Variants in PARD6G observed in about 807,000 individuals in gnomAD.
The protein encoded by PARD6G is par-6 family cell polarity regulator gamma.
A neutral mutation model predicts 10.7 loss-of-function variants in PARD6G; 7 were observed. The ratio of observed to expected loss-of-function variants is 0.66; its 90% confidence interval spans 0.37 to 1.23. PARD6G has a LOEUF of 1.23. Among genes scored for constraint, PARD6G ranks in the 50% most tolerant of loss-of-function variants. The pLI is 0.02. For synonymous variants in PARD6G, 287 were observed against 269.4 expected (o/e 1.07, Z -0.64); for missense variants, 548 against 571.8 (o/e 0.96, Z 0.42).
chr18:80,181,875 G>C lies in PARD6G; in HGVS notation c.295+20835C>G, dbSNP rs2052850286. On this transcript the variant is annotated intron_variant, in intron 2 of 2. Coordinates refer to ENST00000353265, the MANE Select transcript of PARD6G (RefSeq NM_032510.4). This position sits in a 1 kb window ranked among gnomAD's most constrained non-coding sequence, Gnocchi z 7.9. Reference sequence around the variant, plus strand: ...AAGGCTGCCCGGTAGACCTGTCCCTGGGAGGGAAGCAGCCCAGCCCCGCTG... The same window carrying C: ...AAGGCTGCCCGGTAGACCTGTCCCTCGGAGGGAAGCAGCCCAGCCCCGCTG... 6.6e-6 allele frequency among the ~76,000 whole-genome samples: 1 copy of C among 152,138 alleles called. No individual in the cohort carries two copies. The highest frequency in any genetic ancestry group is 2.4e-5 in the African/African-American group (1 of 41,424).
chr18:80,177,842 G>A (rs1388976521), intron 2 of PARD6G, among the ~76,000 whole-genome samples: 2 of 150,456 alleles, frequency 1.3e-5, no homozygotes, highest in Non-Finnish European at 3.0e-5. Context: ...AAAAATCGCA[G>A]TCCAAACGGG....
chr18:80,231,778 C>T lies in PARD6G; in HGVS notation c.72+15499G>A, dbSNP rs139275260. ...GCTCACCAAGCTGTTTGTTCTCCCC[C>T]AGGCCTAGAGACGGGTTCGGCATCT... On this transcript the variant is annotated intron_variant, in intron 1 of 2. Coordinates refer to ENST00000353265, the MANE Select transcript of PARD6G (RefSeq NM_032510.4). This position sits in a 1 kb window ranked among gnomAD's most constrained non-coding sequence, Gnocchi z 4.2. 2.6e-4 allele frequency among the ~76,000 whole-genome samples: 40 copies of T among 152,252 alleles called. No homozygotes were observed. Among genetic ancestry groups the T allele is most frequent in the African/African-American group, 8.7e-4 (36 of 41,550 alleles).
Position 80,224,303 on chromosome 18 carries a change from T to C in PARD6G, c.73-21371A>G, listed in dbSNP as rs143304370. On this transcript the variant is annotated intron_variant, in intron 1 of 2. Coordinates refer to ENST00000353265, the MANE Select transcript of PARD6G (RefSeq NM_032510.4). ...CTAAGAGGTCTATCTAAATTTACCA[T>C]ACGTTTAAACAAATCAGAGCATGAA... Among the ~76,000 whole-genome samples the C allele has an allele frequency of 2.6e-5, 4 of 152,348 alleles. No homozygotes were observed. The East Asian group carries it at 5.8e-4, about 22-fold the overall frequency.
intron 1 of PARD6G, among the ~76,000 whole-genome samples, chr18:80,217,391 C>T (rs960584088): frequency 3.9e-5 from 6 of 152,106 alleles, no homozygotes; most frequent in African/African-American, 9.7e-5. Flanking sequence ...GTAAGGCACA[C>T]GGAATGTGTT....
rs1372809689 is a variant in PARD6G, at chr18:80,246,026, TG to T, written c.72+1250del. On this transcript the variant is annotated intron_variant, in intron 1 of 2. Coordinates refer to ENST00000353265, the MANE Select transcript of PARD6G (RefSeq NM_032510.4). The surrounding 1 kb of genome is among the most constrained non-coding windows in gnomAD (Gnocchi z 6.7). Reference sequence around the variant, plus strand: ...CCGCCTCAATCCTCTGCAGACACCCTGGAAATCCTACTCCAAAGGTCAGAGC... The same window carrying T: ...CCGCCTCAATCCTCTGCAGACACCCTGAAATCCTACTCCAAAGGTCAGAGC... Among the ~76,000 whole-genome samples the T allele has an allele frequency of 6.6e-6, 1 of 151,908 alleles. No individual in the cohort carries two copies. The highest frequency in any genetic ancestry group is 1.5e-5 in the Non-Finnish European group (1 of 67,966).
rs1312928630 is a variant in PARD6G, at chr18:80,231,133, G to A, written c.72+16144C>T. Among the ~76,000 whole-genome samples, 1 of 152,210 alleles carries A rather than the reference G, an allele frequency of 6.6e-6. No individual in the cohort carries two copies. Among genetic ancestry groups the A allele is most frequent in the Non-Finnish European group, 1.5e-5 (1 of 68,032 alleles). ...CCTCATGGAGGGAATGGACAAGGATGGCCCATCAGCAAGGGAGTGGGATGA... is the reference window on the plus strand; with the variant it reads ...CCTCATGGAGGGAATGGACAAGGATAGCCCATCAGCAAGGGAGTGGGATGA... On this transcript the variant is annotated intron_variant, in intron 1 of 2. Transcript: ENST00000353265. The surrounding 1 kb of genome is among the most constrained non-coding windows in gnomAD (Gnocchi z 4.2).
intron 2 of PARD6G, among the ~76,000 whole-genome samples, chr18:80,190,719 G>A (rs1297407901): frequency 6.6e-6 from 1 of 152,178 alleles, no homozygotes; most frequent in Non-Finnish European, 1.5e-5. Flanking sequence ...GAGGAGTGGA[G>A]GGCAGGCGGG....
chr18:80,217,469 C>A (rs777944761), intron 1 of PARD6G, among the ~76,000 whole-genome samples: 4 of 152,116 alleles, frequency 2.6e-5, no homozygotes, highest in Admixed American at 6.5e-5. Context: ...ACCGGGCAAA[C>A]ACTCTCAGCC....
At position 80,200,187 on chromosome 18, in the gene PARD6G, G is replaced by T. The variant is rs1040352596; in HGVS notation, c.295+2523C>A. ...GCTGCAGTAAAAAGGCTGTGGGATTGAGTGTTGCCTCTCAGGGGCCTCAGC... is the reference window on the plus strand; with the variant it reads ...GCTGCAGTAAAAAGGCTGTGGGATTTAGTGTTGCCTCTCAGGGGCCTCAGC... On this transcript the variant is annotated intron_variant, in intron 2 of 2. Coordinates refer to ENST00000353265, the MANE Select transcript of PARD6G (RefSeq NM_032510.4). The surrounding 1 kb of genome is among the most constrained non-coding windows in gnomAD (Gnocchi z 4.4). 6.6e-6 allele frequency among the ~76,000 whole-genome samples: 1 copy of T among 152,152 alleles called. No homozygotes were observed. The highest frequency in any genetic ancestry group is 2.4e-5 in the African/African-American group (1 of 41,444).
rs1967002172 is a variant in PARD6G at position 80,200,984 on chromosome 18, C to A, written c.295+1726G>T. Among the ~76,000 whole-genome samples, 1 of 152,252 alleles carries A rather than the reference C, an allele frequency of 6.6e-6. No individual in the cohort carries two copies. The highest frequency in any genetic ancestry group is 1.5e-5 in the Non-Finnish European group (1 of 68,048). ...CGATGGGCAACAAAGCCTGTGCGCA[C>A]ATCTGCAGTTTACACACCTTCTTCA... On this transcript the variant is annotated intron_variant, in intron 2 of 2. Transcript: ENST00000353265. The surrounding 1 kb of genome is among the most constrained non-coding windows in gnomAD (Gnocchi z 4.4).
chr18:80,241,226 A>C (rs1967486159), intron 1 of PARD6G, among the ~76,000 whole-genome samples: 1 of 152,046 alleles, frequency 6.6e-6, no homozygotes, highest in Admixed American at 6.5e-5. Context: ...GGCTTATTGG[A>C]TCCTGAGAGG....
intron 1 of PARD6G, among the ~76,000 whole-genome samples, chr18:80,220,247 CA>C (rs1480765208): frequency 6.6e-6 from 1 of 152,168 alleles, no homozygotes; most frequent in Admixed American, 6.5e-5. Context: ...CTCACTATCA[CA>C]AAAACAGCAT....
chr18:80,215,845 C>A lies in PARD6G; in HGVS notation c.73-12913G>T, dbSNP rs541361294. ...GCAAAATGGATTAAAACACAAAACA[C>A]AAATAGAAACAACAATCATTCTCCA... On this transcript the variant is annotated intron_variant, in intron 1 of 2. Transcript: ENST00000353265. Among the ~76,000 whole-genome samples the A allele has an allele frequency of 1.9e-4, 29 of 152,036 alleles. 1 individual carries two copies. The South Asian group carries it at 5.4e-3, about 28-fold the overall frequency.
At chr18:80,185,127 T>A (rs1262292454) in intron 2 of PARD6G, among the ~76,000 whole-genome samples, 1 of 152,200 alleles carries the variant, frequency 6.6e-6, no homozygotes, top group Non-Finnish European at 1.5e-5. Flanking sequence ...TCGACGTTGA[T>A]GAATTACAAT....
chr18:80,160,714 C>T, intron 2 of PARD6G, 108 bp from the exon 3 acceptor site: 1 of 1,403,724 alleles, frequency 7.1e-7, no homozygotes, highest in Non-Finnish European at 9.2e-7. Flanking sequence ...CCGAAGCACC[C>T]AGGGTGCACA....
chr18:80,213,193 G>A (rs921929942), intron 1 of PARD6G, among the ~76,000 whole-genome samples: 2 of 152,100 alleles, frequency 1.3e-5, no homozygotes, highest in Non-Finnish European at 2.9e-5. Context: ...TGAAGTTTAC[G>A]TCTATTTTAC....
chr18:80,191,862 G>A (rs540470689), intron 2 of PARD6G, among the ~76,000 whole-genome samples: 2 of 152,290 alleles, frequency 1.3e-5, no homozygotes, highest in African/African-American at 2.4e-5. Context: ...GTGCTTAGAT[G>A]TATACGTGTG....
At chr18:80,220,692 C>A (rs920291929) in intron 1 of PARD6G, among the ~76,000 whole-genome samples, 1 of 151,858 alleles carries the variant, frequency 6.6e-6, no homozygotes, top group Non-Finnish European at 1.5e-5. Flanking sequence ...TTCACTGCAA[C>A]CTCCACCTCC....
chr18:80,202,647 G>A, intron 2 of PARD6G, 63 bp downstream of exon 2: 2 of 1,441,172 alleles, frequency 1.4e-6, no homozygotes, highest in Middle Eastern at 2.5e-4. Flanking sequence ...AGAAAAAATT[G>A]AAAACTGTAT....
Sources: gnomAD v4.1 joint callset for allele counts (sites outside exome capture counted in the v4.1 genomes callset) on GRCh38, gnomAD v4.1.1 for gene constraint, Gnocchi (gnomAD v3.1) non-coding constraint, MANE v1.5 for transcripts, NCBI Gene and HGNC (gene_info 2026-07-23, HGNC 2026-07-21) for gene names.